The following BAIAP2L2 variants were observed in gnomAD, a reference collection of about 807,000 sequenced individuals.
The protein encoded by BAIAP2L2 is BAR/IMD domain-containing adapter protein 2-like 2.
Under a neutral mutation model 60.4 loss-of-function variants are expected in BAIAP2L2, and 65 were observed. The ratio of observed to expected loss-of-function variants is 1.08; its 90% CI spans 0.88 to 1.32. BAIAP2L2 has a LOEUF of 1.32. Ranked by LOEUF, BAIAP2L2 falls within the 40% of genes most tolerant of loss-of-function variation. The pLI is 0.00. For missense variants in BAIAP2L2, 836 were observed against 741.2 expected, an observed-to-expected ratio of 1.13 and a Z score of -1.48; for synonymous variants, 344 against 301.7, an observed-to-expected ratio of 1.14 and a Z score of -1.45.
At chr22:38,101,227 C>G (rs1313969036) in intron 4 of BAIAP2L2, among the ~76,000 whole-genome samples, 4 of 151,878 alleles carry the variant, frequency 2.6e-5, no homozygotes, top group Non-Finnish European at 4.4e-5. Context: ...AGAAACCAGA[C>G]AGCAAAATAA....
chr22:38,089,199 G>T lies in BAIAP2L2; in HGVS notation c.798C>A (p.Pro266=). The T allele has an allele frequency of 3.9e-6, 5 of 1,281,196 alleles. No individual in the cohort carries two copies. Among genetic ancestry groups the T allele is most frequent in the South Asian group, 2.4e-5 (1 of 41,054 alleles). The allele number at this position is 1,281,196 out of a possible 1,614,324, so 79.4% of individuals were successfully genotyped here. ...PPRPLGEFSS[P]RSRHGSGSYG... is the part of the protein sequence containing the mutation. ...AGGAGCCGGAGCCGTGCCGGCTGCGGGGGGAGCTGAACTCTCCCAGGGGCC... is the reference window on the plus strand; with the variant it reads ...AGGAGCCGGAGCCGTGCCGGCTGCGTGGGGAGCTGAACTCTCCCAGGGGCC... Residue 266 remains proline, a synonymous_variant, in exon 9 of 14, where the codon CCC becomes CCA. Coordinates refer to ENST00000381669, the MANE Select transcript of BAIAP2L2 (RefSeq NM_025045.6).
intron 7 of BAIAP2L2, among the ~76,000 whole-genome samples, chr22:38,092,875 T>C (rs975494073): frequency 4.0e-5 from 6 of 151,894 alleles, no homozygotes; most frequent in African/African-American, 9.7e-5. Flanking sequence ...GTTTAAAAGA[T>C]TGCAGTGGCC....
At chr22:38,092,767 T>C (rs1482726773) in intron 7 of BAIAP2L2, among the ~76,000 whole-genome samples, 1 of 77,116 alleles carries the variant, frequency 1.3e-5, no homozygotes, top group Non-Finnish European at 2.4e-5. Flanking sequence ...GTGTTGGAGG[T>C]GGGATCTAGT....
At chr22:38,087,069 A>G (rs957528086) in intron 11 of BAIAP2L2, 55 bp downstream of exon 11, 2 of 1,468,880 alleles carry the variant, frequency 1.4e-6, no homozygotes, top group African/African-American at 3.0e-5. Context: ...TCCGCTGGGC[A>G]GTGACACCCT....
At chr22:38,100,622 GCACCTGTTACCCCTT>G (rs2086547587) in intron 4 of BAIAP2L2, among the ~76,000 whole-genome samples, 1 of 152,086 alleles carries the variant, frequency 6.6e-6, no homozygotes, top group Admixed American at 6.5e-5. Flanking sequence ...GCCATGTGAC[GCACCTGTTACCCCTT>G]CACCTTCCGC....
intron 1 of BAIAP2L2, 124 bp from the exon 2 acceptor site, chr22:38,109,332 C>T (rs2086741039): frequency 6.7e-6 from 5 of 745,812 alleles, no homozygotes; most frequent in South Asian, 1.7e-5. Flanking sequence ...AAGCCCCAGA[C>T]TTTGGGGGGC....
At chr22:38,090,674 C>A (rs1479827980) in intron 7 of BAIAP2L2, 3 of 152,140 alleles carry the variant, frequency 2.0e-5, no homozygotes, top group African/African-American at 7.2e-5. Context: ...GTGGTAGGTG[C>A]AATTATTATC....
At chr22:38,095,339 G>C (rs1376635528) in intron 7 of BAIAP2L2, among the ~76,000 whole-genome samples, 1 of 152,094 alleles carries the variant, frequency 6.6e-6, no homozygotes, top group Non-Finnish European at 1.5e-5. Context: ...AATAGTTGGA[G>C]GGCAGGAAAA....
chr22:38,087,248 C>T lies in BAIAP2L2; in HGVS notation c.1135G>A (p.Glu379Lys), dbSNP rs774819763. The change falls in exon 11 of 14, where the codon GAG becomes AAG. Residue 379 changes from glutamate (E) to lysine (K), a missense_variant. By Grantham distance (56) the Glu-to-Lys change is moderately conservative (BLOSUM62 1). Transcript: ENST00000381669. Reference protein sequence around the residue: ...EGSSASGWFPEAYVKALEEGP... With the variant: ...EGSSASGWFPKAYVKALEEGP... The stretch of plus-strand genomic sequence containing the variant: ...TCCTCCAGAGCCTTCACGTACGCCT[C>T]GGGGAACCAACCGCTCCTGTGGGGT... The T allele has an allele frequency of 1.2e-5, 20 of 1,605,694 alleles. No homozygotes were observed. Among genetic ancestry groups the T allele is most frequent in the Middle Eastern group, 1.7e-4 (1 of 6,058 alleles).
chr22:38,108,034 C>A, intron 3 of BAIAP2L2, 121 bp from the exon 4 acceptor site: 1 of 1,147,704 alleles, frequency 8.7e-7, no homozygotes, highest in South Asian at 1.4e-5. Flanking sequence ...GACCAAAGTC[C>A]GGGAACTTCC....
intron 13 of BAIAP2L2, 84 bp from the exon 14 acceptor site, chr22:38,085,459 G>T: frequency 6.9e-7 from 1 of 1,447,398 alleles, no homozygotes; most frequent in Non-Finnish European, 9.6e-7. Context: ...GGGCAACTGA[G>T]CTGGGTCCTG....
intron 7 of BAIAP2L2, among the ~76,000 whole-genome samples, chr22:38,094,860 C>T (rs1271681016): frequency 7.2e-6 from 1 of 139,638 alleles, no homozygotes; most frequent in Non-Finnish European, 1.6e-5. Context: ...GGATAAGAAC[C>T]CCAAGCCAGG....
chr22:38,108,248 G>A lies in BAIAP2L2; in HGVS notation c.214+7C>T. Reference sequence around the variant, plus strand: ...GAATGGGGTCTGCTGTGGAGGGGGAGCCTCACCCAGAATCTGTGAGGTGGG... The same window carrying A: ...GAATGGGGTCTGCTGTGGAGGGGGAACCTCACCCAGAATCTGTGAGGTGGG... On this transcript the variant is annotated splice_region_variant and intron_variant, in intron 3 of 13. Coordinates refer to ENST00000381669, the MANE Select transcript of BAIAP2L2 (RefSeq NM_025045.6). 6.2e-7 allele frequency: 1 copy of A among 1,610,992 alleles called. No homozygotes were observed. Among genetic ancestry groups the A allele is most frequent in the Non-Finnish European group, 8.5e-7 (1 of 1,178,968 alleles).
intron 1 of BAIAP2L2, 89 bp from the exon 2 acceptor site, chr22:38,109,297 G>T: frequency 9.5e-7 from 1 of 1,052,180 alleles, no homozygotes; most frequent in Non-Finnish European, 1.4e-6. Flanking sequence ...AGGCGTCAGG[G>T]ACAGGGCACC....
At position 38,088,889 on chromosome 22, in the gene BAIAP2L2, GCGCCCC is replaced by G. The variant is rs1470132157; in HGVS notation, c.971_976del (p.Gly324_Gly325del). On this transcript the variant is annotated inframe_deletion, in exon 10 of 14. Coordinates refer to ENST00000381669, the MANE Select transcript of BAIAP2L2 (RefSeq NM_025045.6). ...GGAGACCAGGGCGCGGACTCTCCTGGCGCCCCCGCCGCCGCCCGGGCGCTCGCCAAA... is the reference window on the plus strand; with the variant it reads ...GGAGACCAGGGCGCGGACTCTCCTGGCGCCGCCGCCCGGGCGCTCGCCAAA... 1.3e-6 allele frequency: 2 copies of G among 1,579,398 alleles called. No homozygotes were observed. The highest frequency in any genetic ancestry group is 1.7e-6 in the Non-Finnish European group (2 of 1,170,896).
chr22:38,108,223 G>T, intron 3 of BAIAP2L2, 32 bp downstream of exon 3: 1 of 1,594,800 alleles, frequency 6.3e-7, no homozygotes, highest in Non-Finnish European at 8.6e-7. Context: ...GAGGGCCCAA[G>T]AATGGGGTCT....
intron 6 of BAIAP2L2, among the ~76,000 whole-genome samples, chr22:38,097,471 G>T (rs553914880): frequency 1.3e-5 from 2 of 152,366 alleles, no homozygotes; most frequent in East Asian, 3.9e-4. Flanking sequence ...GGGCTGGGGG[G>T]GCAGGGGGAC....
chr22:38,086,457 C>T lies in BAIAP2L2; in HGVS notation c.1260-8G>A. 6.7e-7 allele frequency: 1 copy of T among 1,481,912 alleles called. No homozygotes were observed. The highest frequency in any genetic ancestry group is 9.0e-7 in the Non-Finnish European group (1 of 1,109,748). 91.8% of individuals were successfully genotyped at this position (1,481,912 alleles called of 1,614,324 possible). A position where few individuals can be genotyped will look rare whatever the true frequency, so the allele number is the denominator to read the frequency against. On this transcript the variant is annotated splice_region_variant and splice_polypyrimidine_tract_variant and intron_variant, in intron 11 of 13. Coordinates refer to ENST00000381669, the MANE Select transcript of BAIAP2L2 (RefSeq NM_025045.6). ...CCCCGGAGTGGGTAGGACCTAAGTC[C>T]AGAGAAAGGAGGGGGAAGGAAAGGG...
chr22:38,105,339 C>CT (rs1035690122), intron 4 of BAIAP2L2, among the ~76,000 whole-genome samples: 3,989 of 94,930 alleles, frequency 0.042, 272 homozygotes, highest in African/African-American at 0.13. Context: ...TTTTTCTTTT[C>CT]TTTTTTTTTT....
Sources: allele counts gnomAD v4.1 joint callset (sites outside exome capture counted in the v4.1 genomes callset), GRCh38; gene constraint gnomAD v4.1.1; transcripts MANE v1.5; gene names NCBI Gene and HGNC (gene_info 2026-07-23, HGNC 2026-07-21).